The following IARS1 variants were observed in gnomAD, a reference collection of about 807,000 sequenced individuals.
The protein encoded by IARS1 is isoleucine--tRNA ligase, cytoplasmic.
Under a neutral mutation model 168.2 loss-of-function variants are expected in IARS1, and 124 were observed. The observed-to-expected ratio is 0.74, with a 90% CI of 0.64 to 0.86. IARS1 has a LOEUF of 0.86. Among genes scored for constraint, IARS1 ranks in the 40% least tolerant of loss-of-function variants. IARS1 has a pLI of 0.00. For missense variants in IARS1, 1,452 were observed against 1,515.8 expected, an observed-to-expected ratio of 0.96 and a Z score of 0.70; for synonymous variants, 532 against 529.4, an observed-to-expected ratio of 1.00 and a Z score of -0.07.
chr9:92,285,972 G>A (rs1835389397), intron 5 of IARS1, 133 bp from the exon 6 acceptor site: 7 of 605,116 alleles, frequency 1.2e-5, no homozygotes, highest in Non-Finnish European at 2.1e-5. Context: ...TTGGGAGACT[G>A]GCTGGTAAAT....
At chr9:92,250,868 A>C in intron 22 of IARS1, 34 bp from the exon 23 acceptor site, 1 of 1,571,308 alleles carries the variant, frequency 6.4e-7, no homozygotes, top group Non-Finnish European at 8.6e-7. Flanking sequence ...TGTCAGTTAT[A>C]TGCAGTCATC....
At position 92,250,802 on chromosome 9, in the gene IARS1, C is replaced by A. The variant is rs766791121; in HGVS notation, c.2340G>T (p.Met780Ile). The A allele has an allele frequency of 1.2e-6, 2 of 1,612,750 alleles. No individual in the cohort carries two copies. The highest frequency in any genetic ancestry group is 8.5e-7 in the Non-Finnish European group (1 of 1,179,406). The stretch of plus-strand genomic sequence containing the variant: ...CAATCAGCACCTTTAGATTCTGGTA[C>A]ATCAATTCAGTGAGAAAAGGTGTGT... ...APYTPFLTELMYQNLKVLIDP... is the reference protein window; with the variant it reads ...APYTPFLTELIYQNLKVLIDP... Residue 780 changes from methionine (M) to isoleucine (I), a missense_variant, in exon 23 of 34, where the codon ATG (methionine) becomes ATT (isoleucine). By Grantham distance (10) the Met-to-Ile change is conservative (BLOSUM62 1). Coordinates refer to ENST00000443024, the MANE Select transcript of IARS1 (RefSeq NM_002161.6).
Position 92,222,518 on chromosome 9 carries a change from A to C in IARS1, c.3706+2T>G. 6.2e-7 allele frequency: 1 copy of C among 1,613,366 alleles called. No homozygotes were observed. The highest frequency in any genetic ancestry group is 8.5e-7 in the Non-Finnish European group (1 of 1,179,798). On this transcript the variant is annotated splice_donor_variant, in intron 33 of 33. Transcript: ENST00000443024. LOFTEE classifies it high-confidence loss of function. ...AAAACTTACGGTCCACAATCTCCTT[A>C]CCCTGCGTTTGGGTCTCATTCAGAA...
At chr9:92,252,427 A>AAATGAAAT (rs1214317288) in intron 21 of IARS1, 5 of 511,696 alleles carry the variant, frequency 9.8e-6, no homozygotes, top group Admixed American at 2.0e-5. Flanking sequence ...ATCTGCACAA[A>AAATGAAAT]AATGAAATTA....
chr9:92,243,286 G>A lies in IARS1; in HGVS notation c.2930C>T (p.Pro977Leu). The change falls in exon 28 of 34, where the codon CCT becomes CTT. Residue 977 changes from proline (P) to leucine (L), a missense_variant. Coordinates refer to ENST00000443024, the MANE Select transcript of IARS1 (RefSeq NM_002161.6). ...TCCTTCATCTACCATTGACTGGTCAGGAGTGACATCTAAGAGGACCAAAGC... is the reference window on the plus strand; with the variant it reads ...TCCTTCATCTACCATTGACTGGTCAAGAGTGACATCTAAGAGGACCAAAGC... Reference protein sequence around the residue: ...AQALVLLDVTPDQSMVDEGMA... With the variant: ...AQALVLLDVTLDQSMVDEGMA... 1.9e-6 allele frequency: 3 copies of A among 1,613,458 alleles called. No homozygotes were observed. In the Middle Eastern group the frequency reaches 5.0e-4, roughly 266 times the overall value.
intron 1 of IARS1, among the ~76,000 whole-genome samples, chr9:92,290,855 A>G (rs1348557972): frequency 6.6e-6 from 1 of 152,220 alleles, no homozygotes; most frequent in Non-Finnish European, 1.5e-5. Flanking sequence ...CATGACAGAA[A>G]TCAGTTCTCT....
At chr9:92,245,168 A>G (rs1224879031) in intron 26 of IARS1, 97 bp from the exon 27 acceptor site, 2 of 949,696 alleles carry the variant, frequency 2.1e-6, no homozygotes, top group East Asian at 2.5e-5. Context: ...AAATTTCACA[A>G]TAACAAAGCC....
At chr9:92,288,816 C>G (rs569783345) in intron 2 of IARS1, among the ~76,000 whole-genome samples, 209 of 152,098 alleles carry the variant, frequency 1.4e-3, no homozygotes, top group African/African-American at 4.6e-3. Context: ...CAAAATTTAC[C>G]CCAATAATTG....
chr9:92,273,514 C>T (rs1052080037), intron 10 of IARS1, among the ~76,000 whole-genome samples: 13 of 152,144 alleles, frequency 8.5e-5, no homozygotes, highest in Non-Finnish European at 1.6e-4. Flanking sequence ...ATTGCCAAAA[C>T]ATTGAGAGTT....
intron 4 of IARS1, among the ~76,000 whole-genome samples, chr9:92,286,977 C>A (rs2133985749): frequency 6.6e-6 from 1 of 152,166 alleles, no homozygotes; most frequent in Non-Finnish European, 1.5e-5. Context: ...AAAGAATCTC[C>A]CCACAAGATA....
At chr9:92,236,187 T>C (rs1827496750) in intron 30 of IARS1, among the ~76,000 whole-genome samples, 2 of 152,110 alleles carry the variant, frequency 1.3e-5, no homozygotes, top group South Asian at 4.1e-4. Flanking sequence ...TTTCACCATG[T>C]TGGCCAGGCT....
chr9:92,215,331 A>G (rs1360334197), intron 33 of IARS1, among the ~76,000 whole-genome samples: 2 of 152,302 alleles, frequency 1.3e-5, no homozygotes, highest in East Asian at 1.9e-4. Context: ...AAAAAACAGA[A>G]CAGAAAAACT....
intron 30 of IARS1, among the ~76,000 whole-genome samples, chr9:92,231,398 T>C (rs1257134320): frequency 6.6e-6 from 1 of 151,776 alleles, no homozygotes; most frequent in Non-Finnish European, 1.5e-5. Context: ...ATGTTACGTA[T>C]ATGTGTTATT....
intron 30 of IARS1, 68 bp from the exon 31 acceptor site, chr9:92,229,194 G>A (rs2133472100): frequency 1.3e-6 from 2 of 1,548,824 alleles, no homozygotes. Context: ...TACATTTGGA[G>A]GAAAAGGGAT....
intron 4 of IARS1, 132 bp downstream of exon 4, chr9:92,287,659 T>A (rs1835661210): frequency 2.1e-6 from 2 of 950,540 alleles, no homozygotes; most frequent in Admixed American, 2.7e-5. Context: ...AGTAATAGGG[T>A]TGAAGGTGGA....
chr9:92,290,794 A>G (rs1587913028), intron 1 of IARS1, among the ~76,000 whole-genome samples: 1 of 152,294 alleles, frequency 6.6e-6, no homozygotes, highest in African/African-American at 2.4e-5. Flanking sequence ...CTCATTAATA[A>G]TCTGAAGAAA....
At chr9:92,288,027 C>G in intron 3 of IARS1, 99 bp downstream of exon 3, 1 of 1,514,542 alleles carries the variant, frequency 6.6e-7, no homozygotes. Flanking sequence ...ACTAGAAGGT[C>G]TGACAGTCAA....
At chr9:92,253,117 C>A (rs1207943834) in intron 21 of IARS1, among the ~76,000 whole-genome samples, 2 of 152,166 alleles carry the variant, frequency 1.3e-5, no homozygotes, top group East Asian at 3.9e-4. Flanking sequence ...TTGACATTCT[C>A]CCTCCAATAT....
In IARS1 at chr9:92,274,465, T is replaced by A. The variant is rs115825549; in HGVS notation, c.951A>T (p.Glu317Asp). The change falls in exon 10 of 34, where the codon GAA (glutamate) becomes GAT (aspartate). Residue 317 changes from glutamate to aspartate, a missense_variant. Glu to Asp is a conservative substitution (Grantham distance 45). Transcript: ENST00000443024. ...GAGCTTGGTGGACAACCCCTGTGCCTTCTTCTTCCTTCACATAGTTGTCAA... is the reference window on the plus strand; with the variant it reads ...GAGCTTGGTGGACAACCCCTGTGCCATCTTCTTCCTTCACATAGTTGTCAA... ...VLVDNYVKEE[E>D]GTGVVHQAPY... 6.2e-7 allele frequency: 1 copy of A among 1,613,858 alleles called. No homozygotes were observed. The highest frequency in any genetic ancestry group is 8.5e-7 in the Non-Finnish European group (1 of 1,179,822).
Sources: gnomAD v4.1 joint callset for allele counts (sites outside exome capture counted in the v4.1 genomes callset) on GRCh38, gnomAD v4.1.1 for gene constraint, MANE v1.5 for transcripts, NCBI Gene and HGNC (gene_info 2026-07-23, HGNC 2026-07-21) for gene names.